NWD2: variants seen among roughly 807,000 people sequenced by gnomAD.
NWD2 encodes the protein NACHT and WD repeat domain-containing protein 2.
In NWD2, 37 loss-of-function variants were observed where a neutral mutation model predicts 132.7. The ratio of observed to expected loss-of-function variants is 0.28; its 90% CI spans 0.21 to 0.37. The LOEUF (loss-of-function observed/expected upper bound fraction) is 0.37. Ranked by LOEUF, NWD2 falls within the 10% of genes least tolerant of loss-of-function variation. The pLI, the probability that NWD2 is intolerant of heterozygous loss-of-function variation, is 1.00. For synonymous variants in NWD2, 705 were observed against 803.0 expected (o/e 0.88, Z 2.06); for missense variants, 1,592 against 2,122.4 (o/e 0.75, Z 4.91).
chr4:37,445,133 A>G lies in NWD2; in HGVS notation c.3145A>G (p.Ile1049Val). 6.4e-7 allele frequency: 1 copy of G among 1,552,106 alleles called. No homozygotes were observed. The highest frequency in any genetic ancestry group is 8.7e-7 in the Non-Finnish European group (1 of 1,147,080). Residue 1049 changes from isoleucine (I) to valine (V), a missense_variant, in exon 7 of 7, where the codon ATC (isoleucine) becomes GTC (valine). By Grantham distance (29) the Ile-to-Val change is conservative. Around this residue, in one of 7 missense-constraint regions of NWD2, gnomAD observed 1,071 missense variants for 1,398.0 expected, o/e 0.77. Transcript: ENST00000309447. The surrounding 1 kb of genome is among the most constrained non-coding windows in gnomAD (Gnocchi z 4.7). ...VNSCLLSEVE[I>V]KGTKHGSSAT... Reference sequence around the variant, plus strand: ...TTCTTGCCTCCTGTCTGAAGTAGAAATCAAGGGGACCAAGCATGGAAGCAG... The same window carrying G: ...TTCTTGCCTCCTGTCTGAAGTAGAAGTCAAGGGGACCAAGCATGGAAGCAG...
At chr4:37,348,669 T>TACAC (rs1457233504) in intron 2 of NWD2, among the ~76,000 whole-genome samples, 110 of 73,580 alleles carry the variant, frequency 1.5e-3, no homozygotes, top group African/African-American at 6.7e-3. Flanking sequence ...TATATATATA[T>TACAC]ATATATACAC....
At chr4:37,256,394 A>T (rs1717519213) in intron 1 of NWD2, among the ~76,000 whole-genome samples, 1 of 152,220 alleles carries the variant, frequency 6.6e-6, no homozygotes, top group Non-Finnish European at 1.5e-5. Flanking sequence ...ACAGCTTTCT[A>T]AAGGGAGAAG....
chr4:37,340,672 A>T (rs1719502015), intron 2 of NWD2, among the ~76,000 whole-genome samples: 1 of 152,208 alleles, frequency 6.6e-6, no homozygotes, highest in Admixed American at 6.5e-5. Flanking sequence ...AAGGTTAGGC[A>T]GTGGGAGATG....
intron 1 of NWD2, among the ~76,000 whole-genome samples, chr4:37,325,552 A>G (rs1719152537): frequency 6.6e-6 from 1 of 152,164 alleles, no homozygotes; most frequent in Admixed American, 6.6e-5. Flanking sequence ...TGTGTGTTTT[A>G]AAACTTGTAT....
chr4:37,422,659 T>C lies in NWD2; in HGVS notation c.358-7913T>C, dbSNP rs55784376. ...TGCTACTTTATGTATTGCCAAGTGC[T>C]TTACATTTCAGAGTGCTTTCACTCT... On this transcript the variant is annotated intron_variant, in intron 3 of 6. Coordinates refer to ENST00000309447, the MANE Select transcript of NWD2 (RefSeq NM_001144990.2). Among the ~76,000 whole-genome samples, 797 of 152,338 alleles carry C rather than the reference T, an allele frequency of 5.2e-3. 12 individuals are homozygous for C. The highest frequency in any genetic ancestry group is 0.019 in the African/African-American group (777 of 41,576).
intron 3 of NWD2, among the ~76,000 whole-genome samples, chr4:37,422,285 T>TA (rs1560251765): frequency 1.3e-5 from 2 of 152,230 alleles, no homozygotes; most frequent in Non-Finnish European, 2.9e-5. Context: ...CGCCTGCCCT[T>TA]AAAGTACTGC....
intron 3 of NWD2, among the ~76,000 whole-genome samples, chr4:37,390,988 G>A (rs567630249): frequency 6.6e-6 from 1 of 152,266 alleles, no homozygotes; most frequent in East Asian, 1.9e-4. Context: ...TTCATTTAGA[G>A]TTCATTAAAA....
At chr4:37,401,532 G>T (rs1045063268) in intron 3 of NWD2, among the ~76,000 whole-genome samples, 1 of 151,952 alleles carries the variant, frequency 6.6e-6, no homozygotes, top group African/African-American at 2.4e-5. Context: ...TCTCACCTGG[G>T]CTCCTCATTG....
chr4:37,288,608 A>G (rs1560385946), intron 1 of NWD2, among the ~76,000 whole-genome samples: 1 of 152,218 alleles, frequency 6.6e-6, no homozygotes, highest in Admixed American at 6.5e-5. Flanking sequence ...TAATCAGCAA[A>G]CTATTGTTTC....
intron 3 of NWD2, among the ~76,000 whole-genome samples, chr4:37,383,224 CA>C (rs1720491619): frequency 6.6e-6 from 1 of 152,224 alleles, no homozygotes; most frequent in Admixed American, 6.5e-5. Context: ...TTATCTAACA[CA>C]TATGGGACTA....
At chr4:37,301,013 C>T (rs1718602214) in intron 1 of NWD2, among the ~76,000 whole-genome samples, 1 of 152,206 alleles carries the variant, frequency 6.6e-6, no homozygotes, top group African/African-American at 2.4e-5. Context: ...TTTCTTCTAC[C>T]TTCTAAAGGA....
intron 1 of NWD2, among the ~76,000 whole-genome samples, chr4:37,252,127 A>G (rs1413453060): frequency 1.3e-5 from 2 of 152,230 alleles, no homozygotes; most frequent in Admixed American, 6.5e-5. Flanking sequence ...ACTATTCTGC[A>G]TGATAATCAA....
chr4:37,282,755 A>C (rs1481220194), intron 1 of NWD2, among the ~76,000 whole-genome samples: 2 of 152,198 alleles, frequency 1.3e-5, no homozygotes, highest in Admixed American at 6.5e-5. Context: ...CACCATGAGT[A>C]TCCTTGGAGA....
At chr4:37,433,773 T>C in intron 4 of NWD2, 103 bp from the exon 5 acceptor site, 4 of 801,020 alleles carry the variant, frequency 5.0e-6, no homozygotes, top group Non-Finnish European at 7.7e-6. Flanking sequence ...TATCATAGTA[T>C]TGGCACATAG....
chr4:37,422,128 G>T (rs2109323103), intron 3 of NWD2, among the ~76,000 whole-genome samples: 1 of 152,316 alleles, frequency 6.6e-6, no homozygotes, highest in Non-Finnish European at 1.5e-5. Context: ...ATTTTGAGGA[G>T]ACACAAGTTA....
intron 3 of NWD2, among the ~76,000 whole-genome samples, chr4:37,398,181 C>T (rs921618796): frequency 2.0e-5 from 3 of 152,198 alleles, no homozygotes; most frequent in East Asian, 3.8e-4. Flanking sequence ...GGCCATTTTA[C>T]TAAGGCCCAA....
chr4:37,441,760 G>A (rs1258173630), intron 6 of NWD2, among the ~76,000 whole-genome samples: 2 of 152,094 alleles, frequency 1.3e-5, no homozygotes, highest in African/African-American at 4.8e-5. Flanking sequence ...CTTTCTCCTG[G>A]GGAATGTCTG....
At chr4:37,300,148 C>G (rs1718584787) in intron 1 of NWD2, among the ~76,000 whole-genome samples, 1 of 152,130 alleles carries the variant, frequency 6.6e-6, no homozygotes, top group African/African-American at 2.4e-5. Context: ...GATCATCGGA[C>G]AAAACTAATT....
At chr4:37,277,774 A>G (rs547129226) in intron 1 of NWD2, among the ~76,000 whole-genome samples, 34 of 152,118 alleles carry the variant, frequency 2.2e-4, no homozygotes, top group African/African-American at 6.7e-4. Context: ...GTTTCTTTGC[A>G]TATCTCACAA....
Sources: gnomAD v4.1 joint callset for allele counts (sites outside exome capture counted in the v4.1 genomes callset) on GRCh38, gnomAD v4.1.1 for gene constraint, gnomAD v4.1.1 regional missense constraint, Gnocchi (gnomAD v3.1) non-coding constraint, MANE v1.5 for transcripts, NCBI Gene and HGNC (gene_info 2026-07-23, HGNC 2026-07-21) for gene names.